The following ABCC10 variants were observed in gnomAD, a reference collection of about 807,000 sequenced individuals.
ABCC10 encodes ATP binding cassette subfamily C member 10.
In ABCC10, 110 loss-of-function variants were observed where a neutral mutation model predicts 143.2. The ratio of observed to expected loss-of-function variants is 0.77; its 90% CI spans 0.66 to 0.90. The LOEUF is 0.90. Among genes scored for constraint, ABCC10 ranks in the 40% least tolerant of loss-of-function variants. ABCC10 has a pLI of 0.00. For missense variants in ABCC10, 1,700 were observed against 1,900.5 expected (o/e 0.89, Z 1.96); for synonymous variants, 805 against 846.7 (o/e 0.95, Z 0.85).
chr6:43,433,427 C>T (rs1781348776), intron 3 of ABCC10, 67 bp downstream of exon 3: 1 of 1,508,216 alleles, frequency 6.6e-7, no homozygotes. Flanking sequence ...CCAGGTCTTC[C>T]CATGCACACT....
intron 8 of ABCC10, among the ~76,000 whole-genome samples, chr6:43,439,829 A>G (rs954203694): frequency 5.3e-5 from 8 of 152,014 alleles, no homozygotes; most frequent in Admixed American, 1.3e-4. Context: ...TGATCTGCCC[A>G]CCTTGGCCTC....
chr6:43,435,377 A>G (rs1781577001), intron 4 of ABCC10, among the ~76,000 whole-genome samples: 1 of 152,140 alleles, frequency 6.6e-6, no homozygotes, highest in Non-Finnish European at 1.5e-5. Context: ...TACTAAAAAT[A>G]TAAAAATTAA....
rs1439900215 is a variant in ABCC10, at chr6:43,449,002, C to T, written c.4081C>T (p.Leu1361=). The change falls in exon 19 of 22, where the codon CTG becomes TTG. Residue 1361 remains leucine (L), a synonymous_variant. Transcript: ENST00000372530. The part of the protein sequence containing the change: ...ALWQALKQCH[L]SEVITSMGGL... ...GTGGCAGGCCCTGAAGCAGTGCCACCTGAGTGAGGTGATTACATCCATGGG... is the reference window on the plus strand; with the variant it reads ...GTGGCAGGCCCTGAAGCAGTGCCACTTGAGTGAGGTGATTACATCCATGGG... The T allele has an allele frequency of 1.2e-6, 2 of 1,614,090 alleles. No individual in the cohort carries two copies. Among genetic ancestry groups the T allele is most frequent in the Non-Finnish European group, 1.7e-6 (2 of 1,179,956 alleles).
chr6:43,434,676 A>C lies in ABCC10; in HGVS notation c.1436A>C (p.Gln479Pro). 6.2e-7 allele frequency: 1 copy of C among 1,614,118 alleles called. No individual in the cohort carries two copies. The change falls in exon 4 of 22, where the codon CAG (glutamine) becomes CCG (proline). Residue 479 changes from glutamine (Q) to proline (P), a missense_variant. Gln to Pro is a moderately conservative substitution (Grantham distance 76). Transcript: ENST00000372530. The stretch of plus-strand genomic sequence containing the variant: ...GTCATCAAGTTCTGCGGGTGGGAGC[A>C]GGCACTGGGAGCCCGAGTAGAGGCC... ...IRVIKFCGWEQALGARVEACR... is the reference protein window; with the variant it reads ...IRVIKFCGWEPALGARVEACR...
intron 15 of ABCC10, 128 bp from the exon 16 acceptor site, chr6:43,446,149 G>A: frequency 2.4e-6 from 3 of 1,231,880 alleles, no homozygotes; most frequent in Non-Finnish European, 3.4e-6. Flanking sequence ...CCCTGAGGGA[G>A]GCCTGTGGGT....
intron 1 of ABCC10, 86 bp from the exon 2 acceptor site, chr6:43,427,882 G>A (rs1206509267): frequency 6.7e-7 from 1 of 1,491,782 alleles, no homozygotes; most frequent in Non-Finnish European, 9.3e-7. Context: ...TCCAGGGCGG[G>A]GCTGGAGACA....
At position 43,447,210 on chromosome 6, in the gene ABCC10, TC is replaced by T. The variant is rs770796527; in HGVS notation, c.3545-36del. 4.4e-6 allele frequency: 7 copies of T among 1,599,880 alleles called. No individual in the cohort carries two copies. In the African/African-American group the frequency reaches 9.4e-5, roughly 21 times the overall value. ...GGAGTCTCCCACAAACGTCCCGGTG[TC>T]CAAGCTCTCCCAGCAGCTGGTACTT... On this transcript the variant is annotated intron_variant, in intron 16 of 21. Coordinates refer to ENST00000372530, the MANE Select transcript of ABCC10 (RefSeq NM_001198934.2).
intron 13 of ABCC10, 22 bp from the exon 14 acceptor site, chr6:43,445,103 C>T (rs773763429): frequency 5.0e-6 from 8 of 1,612,034 alleles, no homozygotes; most frequent in Non-Finnish European, 5.1e-6. Context: ...TGGTTACCGA[C>T]AGCCCCCTCC....
chr6:43,429,810 G>A (rs1333394980), intron 2 of ABCC10, among the ~76,000 whole-genome samples: 1 of 152,198 alleles, frequency 6.6e-6, no homozygotes, highest in African/African-American at 2.4e-5. Context: ...GAGGTCAGGA[G>A]TTTGAAACCA....
rs1581768312 is a variant in ABCC10 at position 43,444,023 on chromosome 6, A to T, written c.2494+13A>T. 1 of 1,613,134 alleles carries T rather than the reference A, an allele frequency of 6.2e-7. No homozygotes were observed. The highest frequency in any genetic ancestry group is 1.1e-5 in the South Asian group (1 of 91,058). ...GAGTCTGACTCAGGTATGGCTCCCCAGTGGGAGAAAAGGGCTTGCTTTTCC... is the reference window on the plus strand; with the variant it reads ...GAGTCTGACTCAGGTATGGCTCCCCTGTGGGAGAAAAGGGCTTGCTTTTCC... On this transcript the variant is annotated intron_variant, in intron 11 of 21. Transcript: ENST00000372530.
chr6:43,434,822 A>G lies in ABCC10; in HGVS notation c.1582A>G (p.Met528Val). The G allele has an allele frequency of 4.3e-6, 7 of 1,614,024 alleles. No individual in the cohort carries two copies. Among genetic ancestry groups the G allele is most frequent in the Non-Finnish European group, 5.9e-6 (7 of 1,179,974 alleles). ...CGTTATCTTCATCACCTATGTCCTC[A>G]TGGGGCACCAGCTCACTGCCACCAA... ...SIVIFITYVL[M>V]GHQLTATKVF... Residue 528 changes from methionine (M) to valine (V), a missense_variant, in exon 4 of 22, where the codon ATG becomes GTG. Physicochemically the swap from Met to Val is conservative, Grantham distance 21. Transcript: ENST00000372530.
intron 5 of ABCC10, 41 bp downstream of exon 5, chr6:43,435,948 G>A (rs1298436912): frequency 1.2e-6 from 2 of 1,611,468 alleles, no homozygotes; most frequent in Non-Finnish European, 8.5e-7. Flanking sequence ...ACAGGGTGAG[G>A]AGGGAAGTGG....
At chr6:43,442,334 G>A (rs1002773606) in intron 9 of ABCC10, among the ~76,000 whole-genome samples, 20 of 152,122 alleles carry the variant, frequency 1.3e-4, no homozygotes, top group Non-Finnish European at 2.2e-4. Flanking sequence ...TTGAGAGGCC[G>A]AGGAGGGTGG....
At chr6:43,450,529 C>T, downstream of ABCC10, 1 of 1,533,898 alleles carries the variant, frequency 6.5e-7, no homozygotes, top group Non-Finnish European at 8.8e-7. The surrounding 1 kb of genome is among the most constrained non-coding windows in gnomAD (Gnocchi z 4.5). Flanking sequence ...CCAGAAAGCC[C>T]CCACCTCCAT....
At chr6:43,435,976 G>T in intron 5 of ABCC10, 69 bp downstream of exon 5, 1 of 1,605,392 alleles carries the variant, frequency 6.2e-7, no homozygotes, top group Non-Finnish European at 8.5e-7. Context: ...TGGGTGCTGC[G>T]CATAGATGTC....
chr6:43,441,057 C>G (rs1460088920), intron 8 of ABCC10, among the ~76,000 whole-genome samples: 1 of 150,150 alleles, frequency 6.7e-6, no homozygotes, highest in Non-Finnish European at 1.5e-5. Context: ...GAGCTGAGAT[C>G]ATGCCACTGC....
At position 43,443,800 on chromosome 6, in the gene ABCC10, C is replaced by T; in HGVS notation, c.2417-133C>T. The T allele has an allele frequency of 1.1e-6, 1 of 907,746 alleles. No homozygotes were observed. Among genetic ancestry groups the T allele is most frequent in the South Asian group, 1.4e-5 (1 of 69,800 alleles). The allele number at this position is 907,746 out of a possible 1,614,324, so 56.2% of individuals were successfully genotyped here. A position where few individuals can be genotyped will look rare whatever the true frequency, so the allele number is the denominator to read the frequency against. ...GAGGCCTAAGAGTCCTGCTCGAGGT[C>T]TAGGGGTATCCTGCTAGGGTGGGTT... On this transcript the variant is annotated intron_variant, in intron 10 of 21. Transcript: ENST00000372530. The surrounding 1 kb of genome is among the most constrained non-coding windows in gnomAD (Gnocchi z 4.2).
intron 5 of ABCC10, 62 bp from the exon 6 acceptor site, chr6:43,436,076 T>A (rs1781671068): frequency 1.2e-6 from 2 of 1,611,270 alleles, no homozygotes; most frequent in Admixed American, 1.7e-5. Context: ...ATTACATGAT[T>A]TACCCTCCCC....
At chr6:43,444,965 C>T (rs1403340730) in intron 13 of ABCC10, 27 bp downstream of exon 13, 1 of 1,598,142 alleles carries the variant, frequency 6.3e-7, no homozygotes, top group African/African-American at 1.3e-5. Flanking sequence ...GGGGGTAGGC[C>T]TGGTGCTCTC....
Sources: gnomAD v4.1 joint callset for allele counts (sites outside exome capture counted in the v4.1 genomes callset) on GRCh38, gnomAD v4.1.1 for gene constraint, Gnocchi (gnomAD v3.1) non-coding constraint, MANE v1.5 for transcripts, NCBI Gene and HGNC (gene_info 2026-07-23, HGNC 2026-07-21) for gene names.